The following LRRFIP1 variants were observed in gnomAD, a reference collection of about 807,000 sequenced individuals.
LRRFIP1 encodes the protein leucine-rich repeat flightless-interacting protein 1.
Under a neutral mutation model 104.4 loss-of-function variants are expected in LRRFIP1, and 62 were observed. The ratio of observed to expected loss-of-function variants is 0.59; its 90% confidence interval spans 0.48 to 0.73. The LOEUF (loss-of-function observed/expected upper bound fraction) is 0.73. Ranked by LOEUF, LRRFIP1 falls within the 30% of genes least tolerant of loss-of-function variation. LRRFIP1 has a pLI of 0.00. For missense variants in LRRFIP1, 796 were observed against 824.5 expected (o/e 0.97, Z 0.42); for synonymous variants, 300 against 299.0 (o/e 1.00, Z -0.03).
intron 10 of LRRFIP1, among the ~76,000 whole-genome samples, chr2:237,738,137 C>A (rs891476684): frequency 6.6e-6 from 1 of 151,910 alleles, no homozygotes; most frequent in Non-Finnish European, 1.5e-5. Flanking sequence ...TCACAAGCAC[C>A]CCTGAAGATC....
intron 1 of LRRFIP1, among the ~76,000 whole-genome samples, chr2:237,651,202 T>C (rs1037283432): frequency 6.6e-6 from 1 of 152,196 alleles, no homozygotes; most frequent in African/African-American, 2.4e-5. Context: ...TTTTACCATA[T>C]TGCTTTACCT....
Position 237,669,775 on chromosome 2 carries a change from T to C in LRRFIP1, c.97-38769T>C, listed in dbSNP as rs376954321. On this transcript the variant is annotated intron_variant, in intron 1 of 23. Transcript: ENST00000308482. ...ACACTCCTCCCTGTAAAAATAACGG[T>C]GTCATTAAACATGGACCGGCTGTTC... Among the ~76,000 whole-genome samples, 4 of 152,236 alleles carry C rather than the reference T, an allele frequency of 2.6e-5. No homozygotes were observed. In the East Asian group the frequency reaches 7.7e-4, roughly 29 times the overall value.
rs1201866154 is a variant in LRRFIP1, at chr2:237,711,590, C to T, written c.184-2669C>T. Among the ~76,000 whole-genome samples the T allele has an allele frequency of 1.3e-5, 2 of 152,214 alleles. No homozygotes were observed. Among genetic ancestry groups the T allele is most frequent in the Admixed American group, 6.5e-5 (1 of 15,286 alleles). ...CTTCTTCCCTCACGACCGTGGCTTG[C>T]GGCTGTGACACAGGGCGGGCGTCGT... On this transcript the variant is annotated intron_variant, in intron 2 of 23. Coordinates refer to ENST00000308482, the MANE Select transcript of LRRFIP1 (RefSeq NM_001137550.2). This position sits in a 1 kb window ranked among gnomAD's most constrained non-coding sequence, Gnocchi z 4.4.
chr2:237,727,913 C>A lies in LRRFIP1; in HGVS notation c.422C>A (p.Ser141Tyr). The change falls in exon 8 of 24, where the codon TCC (serine) becomes TAC (tyrosine). Residue 141 changes from serine (S) to tyrosine (Y), a missense_variant. Physicochemically the swap from Ser to Tyr is moderately radical, Grantham distance 144 (BLOSUM62 -2). Coordinates refer to ENST00000308482, the MANE Select transcript of LRRFIP1 (RefSeq NM_001137550.2). ...GATGGAGAATTGTATGGATCACAGT[C>A]CCTGAATAGAAGATCTGGCAGGGTT... ...GYDGELYGSQSLNRRSGRPSC... is the reference protein window; with the variant it reads ...GYDGELYGSQYLNRRSGRPSC... 1 of 1,611,612 alleles carries A rather than the reference C, an allele frequency of 6.2e-7. No homozygotes were observed. The highest frequency in any genetic ancestry group is 8.5e-7 in the Non-Finnish European group (1 of 1,178,936).
chr2:237,672,027 C>T (rs2090432411), intron 1 of LRRFIP1, among the ~76,000 whole-genome samples: 1 of 151,856 alleles, frequency 6.6e-6, no homozygotes, highest in Non-Finnish European at 1.5e-5. Flanking sequence ...AATTATATGA[C>T]TTGATACAGT....
intron 6 of LRRFIP1, among the ~76,000 whole-genome samples, chr2:237,723,028 C>G (rs2094588033): frequency 6.6e-6 from 1 of 152,098 alleles, no homozygotes; most frequent in Non-Finnish European, 1.5e-5. Context: ...TTTATTGACT[C>G]TGAAAACACA....
intron 1 of LRRFIP1, among the ~76,000 whole-genome samples, chr2:237,630,953 T>C (rs11680890): frequency 0.42 from 63,625 of 151,872 alleles, 13,583 homozygotes; most frequent in Non-Finnish European, 0.45. Context: ...TGGTAAACTT[T>C]CATGAGTCTG....
chr2:237,719,553 A>T lies in LRRFIP1; in HGVS notation c.280A>T (p.Arg94Ter). Residue 94 changes from arginine to a stop codon, truncating the protein, a stop_gained, in exon 5 of 24, where the codon AGA (arginine) becomes TGA (stop). Coordinates refer to ENST00000308482, the MANE Select transcript of LRRFIP1 (RefSeq NM_001137550.2). LOFTEE classifies it high-confidence loss of function. ...EDSERYSRRS[R>*]RNTSASDEDE... ...CAGTGAGCGCTACTCTCGTAGATCC[A>T]GAAGAAACACATCGGTTAGTACCGT... The T allele has an allele frequency of 6.2e-7, 1 of 1,613,612 alleles. No homozygotes were observed. Among genetic ancestry groups the T allele is most frequent in the South Asian group, 1.1e-5 (1 of 91,048 alleles).
chr2:237,646,216 A>G (rs1222272178), intron 1 of LRRFIP1, among the ~76,000 whole-genome samples: 1 of 151,750 alleles, frequency 6.6e-6, no homozygotes, highest in African/African-American at 2.4e-5. Context: ...TCCTCCTTTC[A>G]TTTTTAAAAA....
In LRRFIP1 at chr2:237,757,459, A is replaced by G. The variant is rs926885439; in HGVS notation, c.1135A>G (p.Ile379Val). Residue 379 changes from isoleucine (I) to valine (V), a missense_variant, in exon 17 of 24, where the codon ATC (isoleucine) becomes GTC (valine). Transcript: ENST00000308482. ...LKQREEMLEE[I>V]RQLQQKQASS... ...TTCTGTCTGTTCCTTTCCTCAGGAA[A>G]TCCGACAGCTACAGCAGAAACAGGC... The G allele has an allele frequency of 2.0e-5, 32 of 1,585,562 alleles. No homozygotes were observed. Among genetic ancestry groups the G allele is most frequent in the African/African-American group, 4.0e-5 (3 of 74,318 alleles).
intron 1 of LRRFIP1, chr2:237,692,569 T>C: frequency 6.2e-6 from 9 of 1,461,714 alleles, no homozygotes; most frequent in South Asian, 1.3e-5. Flanking sequence ...TGCGGCGGGG[T>C]TTCAGGGGCT....
intron 8 of LRRFIP1, among the ~76,000 whole-genome samples, chr2:237,728,961 C>T (rs140917964): frequency 7.7e-4 from 117 of 152,338 alleles, no homozygotes; most frequent in African/African-American, 2.6e-3. Flanking sequence ...CTCGTGCCCT[C>T]ACCCAGGCTG....
intron 19 of LRRFIP1, chr2:237,763,526 A>G (rs1437205300): frequency 6.2e-7 from 1 of 1,613,558 alleles, no homozygotes; most frequent in African/African-American, 1.3e-5. Flanking sequence ...TTTAAGTGAA[A>G]TTAAGGAAGA....
At chr2:237,695,077 G>T (rs1166582970) in intron 1 of LRRFIP1, among the ~76,000 whole-genome samples, 1 of 152,214 alleles carries the variant, frequency 6.6e-6, no homozygotes, top group African/African-American at 2.4e-5. Flanking sequence ...CTCTAGCTCA[G>T]TCTGAGATGG....
chr2:237,715,084 G>A (rs757697368), intron 3 of LRRFIP1, among the ~76,000 whole-genome samples: 6 of 152,168 alleles, frequency 3.9e-5, no homozygotes, highest in Non-Finnish European at 7.4e-5. Context: ...CTTAATTTCG[G>A]AGGTTAGAGC....
chr2:237,705,964 T>C (rs1447725088), intron 1 of LRRFIP1, among the ~76,000 whole-genome samples: 1 of 152,250 alleles, frequency 6.6e-6, no homozygotes, highest in Non-Finnish European at 1.5e-5. Context: ...AGGGCTTGCC[T>C]GATTAGGGCA....
intron 6 of LRRFIP1, 45 bp from the exon 7 acceptor site, chr2:237,723,503 T>C: frequency 1.9e-6 from 3 of 1,605,030 alleles, no homozygotes; most frequent in Non-Finnish European, 2.6e-6. Context: ...TTTTGGCAAC[T>C]CTCTTTGCTG....
intron 1 of LRRFIP1, among the ~76,000 whole-genome samples, chr2:237,673,259 G>A (rs920008235): frequency 1.3e-5 from 2 of 152,216 alleles, no homozygotes; most frequent in African/African-American, 4.8e-5. Flanking sequence ...TGTGTCCCTG[G>A]TCTGTAGGAG....
chr2:237,735,022 A>C lies in LRRFIP1; in HGVS notation c.490-246A>C, dbSNP rs1360340993. 6.6e-6 allele frequency among the ~76,000 whole-genome samples: 1 copy of C among 152,186 alleles called. No individual in the cohort carries two copies. The highest frequency in any genetic ancestry group is 1.5e-5 in the Non-Finnish European group (1 of 68,028). On this transcript the variant is annotated intron_variant, in intron 9 of 23. Coordinates refer to ENST00000308482, the MANE Select transcript of LRRFIP1 (RefSeq NM_001137550.2). The surrounding 1 kb of genome is among the most constrained non-coding windows in gnomAD (Gnocchi z 4.6). Reference sequence around the variant, plus strand: ...GGATGTTTTCCAAAGTAATAGATTTAAATGGTCTGTTGGAGATTACATTGC... The same window carrying C: ...GGATGTTTTCCAAAGTAATAGATTTCAATGGTCTGTTGGAGATTACATTGC...
Sources: allele counts gnomAD v4.1 joint callset (sites outside exome capture counted in the v4.1 genomes callset), GRCh38; gene constraint gnomAD v4.1.1; non-coding constraint Gnocchi (gnomAD v3.1); transcripts MANE v1.5; gene names NCBI Gene and HGNC (gene_info 2026-07-23, HGNC 2026-07-21).